Variants in FBRSL1 observed in about 807,000 individuals in gnomAD.
The protein encoded by FBRSL1 is fibrosin-1-like protein.
In FBRSL1, 51 loss-of-function variants were observed where a neutral mutation model predicts 89.6. The ratio of observed to expected loss-of-function variants is 0.57; its 90% confidence interval spans 0.45 to 0.72. FBRSL1 has a LOEUF of 0.72. Ranked by LOEUF, FBRSL1 falls within the 30% of genes least tolerant of loss-of-function variation. FBRSL1 has a pLI of 0.00. For missense variants in FBRSL1, 1,618 were observed against 1,451.8 expected (o/e 1.11, Z -1.86); for synonymous variants, 779 against 681.1 (o/e 1.14, Z -2.24).
rs1348409324 is a variant in FBRSL1, at chr12:132,508,189, A to G, written c.328A>G (p.Lys110Glu). The change falls in exon 2 of 19, where the codon AAG (lysine) becomes GAG (glutamate). Residue 110 changes from lysine (K) to glutamate (E), a missense_variant. Physicochemically the swap from Lys to Glu is moderately conservative, Grantham distance 56. Transcript: ENST00000680143. ...CCTGAAGCCACATGAGCGGAAGGAG[A>G]AGTGGGAGCGTCGTCTCATCAAGAA... ...MALKPHERKE[K>E]WERRLIKKPR... The G allele has an allele frequency of 6.4e-7, 1 of 1,551,072 alleles. No individual in the cohort carries two copies. Among genetic ancestry groups the G allele is most frequent in the Non-Finnish European group, 8.7e-7 (1 of 1,146,902 alleles).
chr12:132,576,833 G>T lies in FBRSL1; in HGVS notation c.1736G>T (p.Gly579Val). The change falls in exon 15 of 19, where the codon GGT becomes GTT. Residue 579 changes from glycine to valine, a missense_variant. Physicochemically the swap from Gly to Val is moderately radical, Grantham distance 109 (BLOSUM62 -3). Transcript: ENST00000680143. ...CTGGACCCCCACAAGCTGGAGGTGG[G>T]TGCAAAGCTGGACCTGTTCGGCAGA... ...MQLDPHKLEVGAKLDLFGRPP... is the reference protein window; with the variant it reads ...MQLDPHKLEVVAKLDLFGRPP... 6.4e-7 allele frequency: 1 copy of T among 1,550,988 alleles called. No individual in the cohort carries two copies. Among genetic ancestry groups the T allele is most frequent in the Non-Finnish European group, 8.7e-7 (1 of 1,146,892 alleles).
At chr12:132,492,505 C>T (rs943810016) in intron 1 of FBRSL1, among the ~76,000 whole-genome samples, 2 of 152,096 alleles carry the variant, frequency 1.3e-5, no homozygotes, top group Non-Finnish European at 2.9e-5. Flanking sequence ...GGGAAGAGCT[C>T]GATGTGTAGA....
chr12:132,509,806 T>C, intron 2 of FBRSL1: 1 of 1,231,648 alleles, frequency 8.1e-7, no homozygotes, highest in Non-Finnish European at 1.0e-6. Context: ...CTGTGGTCGC[T>C]GCTAGCCCAG....
chr12:132,573,043 C>T (rs542568790), intron 11 of FBRSL1, among the ~76,000 whole-genome samples: 16 of 152,316 alleles, frequency 1.1e-4, no homozygotes, highest in African/African-American at 2.9e-4. Flanking sequence ...CCGGGCCTTA[C>T]GGGGCCGTCC....
chr12:132,526,683 G>A (rs758755049), intron 3 of FBRSL1, among the ~76,000 whole-genome samples: 4 of 152,156 alleles, frequency 2.6e-5, no homozygotes, highest in Middle Eastern at 3.2e-3. Flanking sequence ...GAGGACTGCC[G>A]TCAGCTGGCC....
intron 4 of FBRSL1, among the ~76,000 whole-genome samples, chr12:132,531,795 G>A (rs1034800596): frequency 2.0e-5 from 3 of 152,238 alleles, no homozygotes; most frequent in African/African-American, 7.2e-5. Flanking sequence ...GCAGCCTCCC[G>A]TGTTGCTGAG....
chr12:132,569,932 C>T lies in FBRSL1; in HGVS notation c.698C>T (p.Ala233Val), dbSNP rs1222929516. 1.3e-5 allele frequency: 19 copies of T among 1,408,184 alleles called. No homozygotes were observed. In the South Asian group the frequency reaches 1.6e-4, roughly 11 times the overall value. The allele number at this position is 1,408,184 out of a possible 1,614,324, so 87.2% of individuals were successfully genotyped here. A position where few individuals can be genotyped will look rare whatever the true frequency, so the allele number is the denominator to read the frequency against. ...LFAPGTDKGP[A>V]LEKSEAKAGP... ...AGCCACCCTCTCTCTGCAGGCCCAG[C>T]GCTTGAGAAGTCGGAGGCCAAGGCC... The change falls in exon 7 of 19, where the codon GCG becomes GTG. Residue 233 changes from alanine to valine, a missense_variant. Transcript: ENST00000680143.
At chr12:132,560,034 C>CGAGCGCCGCCCA (rs1192124716) in intron 5 of FBRSL1, 3 of 149,942 alleles carry the variant, frequency 2.0e-5, no homozygotes, top group African/African-American at 4.9e-5. Context: ...CAGAGCGCAC[C>CGAGCGCCGCCCA]GAGCGCCGCC....
intron 4 of FBRSL1, among the ~76,000 whole-genome samples, chr12:132,531,361 G>A (rs143705972): frequency 6.6e-6 from 1 of 152,146 alleles, no homozygotes. Context: ...CCATGTGTGT[G>A]TGGGCGTGTG....
intron 5 of FBRSL1, chr12:132,551,280 C>T: frequency 2.5e-6 from 1 of 405,390 alleles, no homozygotes. Flanking sequence ...TTTACAGGGA[C>T]CCTCAGAGAC....
chr12:132,497,041 G>A (rs572776833), intron 1 of FBRSL1, among the ~76,000 whole-genome samples: 4 of 152,358 alleles, frequency 2.6e-5, no homozygotes, highest in African/African-American at 4.8e-5. Flanking sequence ...GTTTGCCGAC[G>A]GTTCGGATTT....
At chr12:132,547,945 C>A (rs1003732563) in intron 4 of FBRSL1, 58 bp from the exon 5 acceptor site, 1 of 1,543,728 alleles carries the variant, frequency 6.5e-7, no homozygotes, top group African/African-American at 1.4e-5. Flanking sequence ...TGCCGTGCCC[C>A]GGGGGGTGAC....
chr12:132,569,884 C>T (rs1349036781), intron 6 of FBRSL1, 42 bp from the exon 7 acceptor site: 25 of 1,329,542 alleles, frequency 1.9e-5, no homozygotes, highest in Admixed American at 4.0e-5. Context: ...GGGGCAGGGA[C>T]GAGGCCCTGC....
rs192970945 is a variant in FBRSL1 at position 132,498,543 on chromosome 12, C to T, written c.291+7682C>T. Reference sequence around the variant, plus strand: ...GCCATCCCCACACACCTGTCCTGGGCTGCCCCCACCACCCCCATGTGGGGA... The same window carrying T: ...GCCATCCCCACACACCTGTCCTGGGTTGCCCCCACCACCCCCATGTGGGGA... On this transcript the variant is annotated intron_variant, in intron 1 of 18. Coordinates refer to ENST00000680143, the MANE Select transcript of FBRSL1 (RefSeq NM_001367871.1). Among the ~76,000 whole-genome samples, 12 of 152,354 alleles carry T rather than the reference C, an allele frequency of 7.9e-5. No homozygotes were observed. In the East Asian group the frequency reaches 2.3e-3, roughly 29 times the overall value.
intron 2 of FBRSL1, among the ~76,000 whole-genome samples, chr12:132,524,155 G>A (rs949809785): frequency 2.6e-5 from 4 of 152,240 alleles, no homozygotes; most frequent in Non-Finnish European, 4.4e-5. Context: ...CAGGCCAGTC[G>A]CTTGCCCGAG....
chr12:132,578,943 T>C (rs2138087439), intron 15 of FBRSL1, among the ~76,000 whole-genome samples: 1 of 152,338 alleles, frequency 6.6e-6, no homozygotes, highest in Non-Finnish European at 1.5e-5. Flanking sequence ...CAGGCTGCAG[T>C]TTCTGGCTGT....
chr12:132,493,612 C>A (rs961463550), intron 1 of FBRSL1, among the ~76,000 whole-genome samples: 4 of 152,220 alleles, frequency 2.6e-5, no homozygotes, highest in African/African-American at 9.6e-5. Flanking sequence ...CGGGGCAGGT[C>A]TCTGTACCTG....
chr12:132,564,123 A>G (rs2039390509), intron 5 of FBRSL1, among the ~76,000 whole-genome samples: 1 of 152,240 alleles, frequency 6.6e-6, no homozygotes, highest in Admixed American at 6.5e-5. Context: ...GCAATTCCAT[A>G]TGTGGCTGAG....
At chr12:132,502,157 G>C (rs776396457) in intron 1 of FBRSL1, among the ~76,000 whole-genome samples, 28 of 152,172 alleles carry the variant, frequency 1.8e-4, no homozygotes, top group Non-Finnish European at 3.7e-4. Flanking sequence ...CGGCAGCCCC[G>C]CATTTCCTTA....
Sources: gnomAD v4.1 joint callset for allele counts (sites outside exome capture counted in the v4.1 genomes callset) on GRCh38, gnomAD v4.1.1 for gene constraint, MANE v1.5 for transcripts, NCBI Gene and HGNC (gene_info 2026-07-23, HGNC 2026-07-21) for gene names.